BABAM2: variants seen among roughly 807,000 people sequenced by gnomAD.
The protein encoded by BABAM2 is BRISC and BRCA1-A complex member 2.
A neutral mutation model predicts 54.7 loss-of-function variants in BABAM2; 31 were observed. The observed-to-expected ratio is 0.57, with a 90% CI of 0.43 to 0.77. The LOEUF (loss-of-function observed/expected upper bound fraction) is 0.77. Ranked by LOEUF, BABAM2 falls within the 30% of genes least tolerant of loss-of-function variation. The pLI is 0.00. For synonymous variants in BABAM2, 167 were observed against 162.9 expected (o/e 1.03, Z -0.19); for missense variants, 364 against 455.8 (o/e 0.80, Z 1.83).
chr2:28,013,694 TAC>T (rs56148921), intron 4 of BABAM2, among the ~76,000 whole-genome samples: 6,216 of 105,924 alleles, frequency 0.059, 263 homozygotes, highest in African/African-American at 0.12. Flanking sequence ...AAAAAGCTCT[TAC>T]ACACACACAC....
At chr2:27,950,786 T>C (rs1393464279) in intron 3 of BABAM2, among the ~76,000 whole-genome samples, 1 of 152,124 alleles carries the variant, frequency 6.6e-6, no homozygotes. Context: ...GGAGTTTTCT[T>C]TGTGGGAAGG....
At chr2:28,281,987 A>G (rs1473276263) in intron 10 of BABAM2, among the ~76,000 whole-genome samples, 2 of 152,210 alleles carry the variant, frequency 1.3e-5, no homozygotes, top group African/African-American at 4.8e-5. Flanking sequence ...TCTGAAAAGG[A>G]AGTGCTGAAG....
intron 6 of BABAM2, among the ~76,000 whole-genome samples, chr2:28,124,815 C>T (rs7601155): frequency 0.068 from 10,322 of 152,068 alleles, 481 homozygotes; most frequent in East Asian, 0.14. Flanking sequence ...TGCAAATCTA[C>T]AATGTACAAA....
At chr2:27,934,003 T>G (rs1668308800) in intron 3 of BABAM2, among the ~76,000 whole-genome samples, 1 of 152,084 alleles carries the variant, frequency 6.6e-6, no homozygotes, top group African/African-American at 2.4e-5. Context: ...TATTCACATA[T>G]AACCTATGCC....
intron 6 of BABAM2, among the ~76,000 whole-genome samples, chr2:28,069,385 G>T (rs1296469430): frequency 6.6e-6 from 1 of 152,114 alleles, no homozygotes; most frequent in African/African-American, 2.4e-5. Flanking sequence ...TAGTTTACAG[G>T]CCATACCCTA....
At chr2:28,279,311 G>T in intron 10 of BABAM2, among the ~76,000 whole-genome samples, 1 of 152,154 alleles carries the variant, frequency 6.6e-6, no homozygotes, top group East Asian at 1.9e-4. Context: ...AAACCTCCAG[G>T]CAGTTCAGCA....
At chr2:28,272,713 T>G (rs1296250660) in intron 10 of BABAM2, among the ~76,000 whole-genome samples, 1 of 152,184 alleles carries the variant, frequency 6.6e-6, no homozygotes, top group Admixed American at 6.5e-5. Context: ...AGATGGTCCC[T>G]GCTGTCAAGC....
rs553346171 is a variant in BABAM2 at position 27,995,305 on chromosome 2, A to C, written c.300+7218A>C. On this transcript the variant is annotated intron_variant, in intron 4 of 11. Transcript: ENST00000379624. This position sits in a 1 kb window ranked among gnomAD's most constrained non-coding sequence, Gnocchi z 4.1. ...ATGGCTCTGGCAGCACCGTGGGAGC[A>C]AGGAGGAAAGTACACAGAACCAGGA... Among the ~76,000 whole-genome samples, 8 of 152,200 alleles carry C rather than the reference A, an allele frequency of 5.3e-5. No individual in the cohort carries two copies. The South Asian group carries it at 1.7e-3, about 32-fold the overall frequency.
intron 3 of BABAM2, among the ~76,000 whole-genome samples, chr2:27,952,265 A>G (rs533621497): frequency 1.3e-5 from 2 of 152,292 alleles, no homozygotes; most frequent in East Asian, 1.9e-4. Flanking sequence ...TTGCCTGTCA[A>G]TTGGGATGTT....
intron 4 of BABAM2, among the ~76,000 whole-genome samples, chr2:28,012,035 G>A (rs112865928): frequency 4.7e-4 from 71 of 152,328 alleles, no homozygotes; most frequent in African/African-American, 1.3e-3. Context: ...AATGAAAAGT[G>A]TAACACTAAC....
chr2:28,105,935 C>T (rs1667484322), intron 6 of BABAM2, among the ~76,000 whole-genome samples: 1 of 149,318 alleles, frequency 6.7e-6, no homozygotes, highest in Non-Finnish European at 1.5e-5. Context: ...AATTCCAGCT[C>T]CTGTCTTTTT....
chr2:28,048,436 A>T (rs1677760066), intron 6 of BABAM2, among the ~76,000 whole-genome samples: 1 of 152,218 alleles, frequency 6.6e-6, no homozygotes, highest in South Asian at 2.1e-4. Context: ...CAGAGTCTGA[A>T]TTTCACTTTT....
chr2:28,108,972 T>A (rs972846472), intron 6 of BABAM2, among the ~76,000 whole-genome samples: 7 of 152,040 alleles, frequency 4.6e-5, no homozygotes, highest in African/African-American at 1.7e-4. Flanking sequence ...CTTCGTAAAT[T>A]TGTGAAATTT....
rs758642407 is a variant in BABAM2 at position 28,241,343 on chromosome 2, G to A, written c.801G>A (p.Gly267=). 2.5e-6 allele frequency: 4 copies of A among 1,613,888 alleles called. No individual in the cohort carries two copies. The highest frequency in any genetic ancestry group is 4.5e-5 in the East Asian group (2 of 44,878). Residue 267 remains glycine (G), a synonymous_variant, in exon 9 of 12, where the codon GGG becomes GGA. Coordinates refer to ENST00000379624, the MANE Select transcript of BABAM2 (RefSeq NM_199191.3). ...TCCAGGTGCAGTACGTGATTCAAGG[G>A]TATCACAAAAGAAGAGAGTATATTG... The part of the protein sequence containing the change: ...LTNKVQYVIQ[G]YHKRREYIAA...
At chr2:28,050,099 C>G (rs1468477479) in intron 6 of BABAM2, among the ~76,000 whole-genome samples, 1 of 152,196 alleles carries the variant, frequency 6.6e-6, no homozygotes, top group Non-Finnish European at 1.5e-5. Flanking sequence ...TGCTATACAG[C>G]TACAGAGTTG....
chr2:28,169,184 G>A (rs1674048559), intron 7 of BABAM2, among the ~76,000 whole-genome samples: 1 of 152,184 alleles, frequency 6.6e-6, no homozygotes, highest in South Asian at 2.1e-4. Flanking sequence ...TGTGGTAACA[G>A]AGTAATCCTG....
intron 7 of BABAM2, among the ~76,000 whole-genome samples, chr2:28,207,125 C>T (rs1678928839): frequency 6.6e-6 from 1 of 152,128 alleles, no homozygotes; most frequent in Non-Finnish European, 1.5e-5. Flanking sequence ...TAGTATCTTC[C>T]CTGAATACTT....
At chr2:28,301,964 C>T (rs971031009) in intron 11 of BABAM2, among the ~76,000 whole-genome samples, 11 of 152,222 alleles carry the variant, frequency 7.2e-5, no homozygotes, top group Middle Eastern at 6.8e-3. Flanking sequence ...AGCCTCTTTC[C>T]AAATAGTCTC....
chr2:28,092,691 A>G (rs11678963), intron 6 of BABAM2, among the ~76,000 whole-genome samples: 81,103 of 151,582 alleles, frequency 0.54, 22,912 homozygotes, highest in Middle Eastern at 0.67. Flanking sequence ...CTTCGATAGT[A>G]TTTTGTACCT....
Sources: allele counts gnomAD v4.1 joint callset (sites outside exome capture counted in the v4.1 genomes callset), GRCh38; gene constraint gnomAD v4.1.1; non-coding constraint Gnocchi (gnomAD v3.1); transcripts MANE v1.5; gene names NCBI Gene and HGNC (gene_info 2026-07-23, HGNC 2026-07-21).